Variants in TMEM131L observed in about 807,000 individuals in gnomAD.
The protein encoded by TMEM131L is transmembrane protein 131-like.
A neutral mutation model predicts 192.2 loss-of-function variants in TMEM131L; 54 were observed. The ratio of observed to expected loss-of-function variants is 0.28; its 90% confidence interval spans 0.23 to 0.35. TMEM131L has a LOEUF of 0.35. TMEM131L is among the 10% of genes least tolerant of loss of function. The pLI, the probability that TMEM131L is intolerant of heterozygous loss-of-function variation, is 1.00. For missense variants in TMEM131L, 1,888 were observed against 1,972.9 expected, an observed-to-expected ratio of 0.96 and a Z score of 0.82; for synonymous variants, 701 against 704.9, an observed-to-expected ratio of 0.99 and a Z score of 0.09.
chr4:153,530,666 A>G (rs1375420906), intron 3 of TMEM131L, among the ~76,000 whole-genome samples: 1 of 152,088 alleles, frequency 6.6e-6, no homozygotes, highest in Non-Finnish European at 1.5e-5. Context: ...CCTCTGGAGC[A>G]TAGCAAAAAG....
In TMEM131L at chr4:153,507,139, C is replaced by G. The variant is rs185258205; in HGVS notation, c.239+33251C>G. ...CAAACTGCAGTATAGGCCTGCAGAG[C>G]CTTGAACAACACCACGGGAAGCTTT... On this transcript the variant is annotated intron_variant, in intron 3 of 34. Coordinates refer to ENST00000409959, the MANE Select transcript of TMEM131L (RefSeq NM_001131007.2). Among the ~76,000 whole-genome samples, 63 of 152,266 alleles carry G rather than the reference C, an allele frequency of 4.1e-4. 1 individual carries two copies. The highest frequency in any genetic ancestry group is 1.3e-3 in the African/African-American group (54 of 41,548).
chr4:153,593,724 G>A, intron 18 of TMEM131L, 75 bp from the exon 19 acceptor site: 1 of 938,844 alleles, frequency 1.1e-6, no homozygotes, highest in South Asian at 1.3e-5. Context: ...ATGTATATAT[G>A]TGCACACACT....
intron 21 of TMEM131L, 53 bp from the exon 22 acceptor site, chr4:153,602,098 TA>T (rs1280791298): frequency 1.6e-5 from 17 of 1,066,622 alleles, no homozygotes; most frequent in Non-Finnish European, 2.3e-5. Context: ...TAAATTATTT[TA>T]AATAAATTTT....
At chr4:153,494,016 G>C (rs887374868) in intron 3 of TMEM131L, among the ~76,000 whole-genome samples, 3 of 152,080 alleles carry the variant, frequency 2.0e-5, no homozygotes, top group Non-Finnish European at 4.4e-5. Flanking sequence ...TTGTGTCTGA[G>C]AAGCTAGAAT....
chr4:153,477,334 G>T (rs926819279), intron 3 of TMEM131L, among the ~76,000 whole-genome samples: 1 of 152,184 alleles, frequency 6.6e-6, no homozygotes, highest in Non-Finnish European at 1.5e-5. Context: ...GAGCTCGGAG[G>T]CCAGGGCTGC....
chr4:153,496,426 A>G (rs767216868), intron 3 of TMEM131L, among the ~76,000 whole-genome samples: 4 of 152,218 alleles, frequency 2.6e-5, no homozygotes, highest in Non-Finnish European at 4.4e-5. Context: ...TCAGCAGGGA[A>G]CACAACCCGT....
At chr4:153,513,586 A>G (rs1027651295) in intron 3 of TMEM131L, among the ~76,000 whole-genome samples, 1 of 152,204 alleles carries the variant, frequency 6.6e-6, no homozygotes, top group Admixed American at 6.5e-5. Flanking sequence ...AATAAATGTA[A>G]TACTAATAAA....
At chr4:153,534,498 A>G (rs895586038) in intron 3 of TMEM131L, among the ~76,000 whole-genome samples, 3 of 152,076 alleles carry the variant, frequency 2.0e-5, no homozygotes, top group Non-Finnish European at 4.4e-5. Flanking sequence ...CAGTGGCGCA[A>G]TCTCAGCTCA....
chr4:153,537,053 A>G (rs543702884), intron 3 of TMEM131L, among the ~76,000 whole-genome samples: 1 of 152,284 alleles, frequency 6.6e-6, no homozygotes, highest in South Asian at 2.1e-4. Context: ...TTCCCAGCCC[A>G]CTGACTCAAA....
chr4:153,585,050 C>A, intron 12 of TMEM131L, 119 bp downstream of exon 12: 1 of 758,236 alleles, frequency 1.3e-6, no homozygotes, highest in Non-Finnish European at 2.2e-6. Context: ...ACTGGCCTTG[C>A]CTCCCCTTGC....
intron 3 of TMEM131L, among the ~76,000 whole-genome samples, chr4:153,546,900 G>T (rs1004364515): frequency 7.9e-5 from 12 of 152,160 alleles, no homozygotes; most frequent in Admixed American, 7.9e-4. Context: ...GCGCTCCAAC[G>T]TGGGCAACAA....
chr4:153,542,488 C>T (rs574098133), intron 3 of TMEM131L, among the ~76,000 whole-genome samples: 79 of 152,312 alleles, frequency 5.2e-4, no homozygotes, highest in African/African-American at 1.8e-3. Flanking sequence ...CCCATTCAGC[C>T]ACCCCACAGC....
chr4:153,475,076 C>T (rs1176330593), intron 3 of TMEM131L, among the ~76,000 whole-genome samples: 3 of 152,192 alleles, frequency 2.0e-5, no homozygotes, highest in South Asian at 2.1e-4. Context: ...CTTTTCTCCA[C>T]GTTACAAAAG....
chr4:153,587,592 T>G (rs1730781399), intron 14 of TMEM131L, 150 bp from the exon 15 acceptor site: 1 of 650,306 alleles, frequency 1.5e-6, no homozygotes, highest in Non-Finnish European at 2.8e-6. Flanking sequence ...TCTCTGAAAA[T>G]TCCTTAACAA....
chr4:153,499,487 C>T (rs1478321520), intron 3 of TMEM131L, among the ~76,000 whole-genome samples: 1 of 150,018 alleles, frequency 6.7e-6, no homozygotes, highest in East Asian at 2.0e-4. Context: ...AGTGCAGTGG[C>T]ACAATCTCAG....
chr4:153,558,442 C>A, intron 7 of TMEM131L, 74 bp downstream of exon 7: 2 of 799,090 alleles, frequency 2.5e-6, no homozygotes, highest in Non-Finnish European at 2.0e-6. Flanking sequence ...GGTTATTTTA[C>A]TATTTTCTGC....
Position 153,555,840 on chromosome 4 carries a change from A to G in TMEM131L, c.362A>G (p.Asp121Gly). ...CTCCATGCTTACAACCCTAGTAGGG[A>G]CAGCGAGGTTGTGGTGAATTCAGTG... ...KILHAYNPSR[D>G]SEVVVNSVFA... is the part of the protein sequence containing the mutation. The change falls in exon 5 of 35, where the codon GAC (aspartate) becomes GGC (glycine). Residue 121 changes from aspartate to glycine, a missense_variant. Physicochemically the swap from Asp to Gly is moderately conservative, Grantham distance 94. Coordinates refer to ENST00000409959, the MANE Select transcript of TMEM131L (RefSeq NM_001131007.2). The surrounding 1 kb of genome is among the most constrained non-coding windows in gnomAD (Gnocchi z 4.1). The G allele has an allele frequency of 1.3e-6, 2 of 1,551,588 alleles. No individual in the cohort carries two copies. Among genetic ancestry groups the G allele is most frequent in the South Asian group, 2.4e-5 (2 of 84,056 alleles).
chr4:153,500,869 G>A (rs1433195194), intron 3 of TMEM131L, among the ~76,000 whole-genome samples: 2 of 152,112 alleles, frequency 1.3e-5, no homozygotes, highest in Admixed American at 1.3e-4. Flanking sequence ...TCGATGGAAT[G>A]ACTACATGGC....
At chr4:153,554,399 A>G (rs6843578) in intron 4 of TMEM131L, among the ~76,000 whole-genome samples, 66,205 of 152,062 alleles carry the variant, frequency 0.44, 18,269 homozygotes, top group African/African-American at 0.78. Context: ...TACACATTGG[A>G]TATATTAAAC....
Sources: gnomAD v4.1 joint callset for allele counts (sites outside exome capture counted in the v4.1 genomes callset) on GRCh38, gnomAD v4.1.1 for gene constraint, Gnocchi (gnomAD v3.1) non-coding constraint, MANE v1.5 for transcripts, NCBI Gene and HGNC (gene_info 2026-07-23, HGNC 2026-07-21) for gene names.